ACTN2: variants seen among roughly 807,000 people sequenced by gnomAD.
The protein encoded by ACTN2 is actinin alpha 2, also known as alpha-actinin-2.
ACTN2 carries 39 observed loss-of-function variants against 113.8 expected under a neutral mutation model. The observed-to-expected ratio is 0.34, with a 90% CI of 0.27 to 0.45. The LOEUF is 0.45. Ranked by LOEUF, ACTN2 falls within the 20% of genes least tolerant of loss-of-function variation. The pLI is 1.00. For synonymous variants in ACTN2, 429 were observed against 444.1 expected (o/e 0.97, Z 0.43); for missense variants, 992 against 1,177.9 (o/e 0.84, Z 2.31).
chr1:236,728,628 GTTTTGC>G (rs1378216307), intron 6 of ACTN2, among the ~76,000 whole-genome samples: 2 of 125,044 alleles, frequency 1.6e-5, no homozygotes, highest in African/African-American at 7.0e-5. Flanking sequence ...TTTTTTTTTA[GTTTTGC>G]TTTTTTTCAG....
At position 236,717,993 on chromosome 1, in the gene ACTN2, C is replaced by A. The variant is rs1342443991; in HGVS notation, c.241+21C>A. 1.9e-6 allele frequency: 3 copies of A among 1,558,122 alleles called. No individual in the cohort carries two copies. In the East Asian group the frequency reaches 6.7e-5, roughly 35 times the overall value. ...CTCAGGTTGGTGTTATATATCCCATCCTATGCTTTCATGTGTTATCAGTAG... is the reference window on the plus strand; with the variant it reads ...CTCAGGTTGGTGTTATATATCCCATACTATGCTTTCATGTGTTATCAGTAG... On this transcript the variant is annotated intron_variant, in intron 2 of 20. Transcript: ENST00000366578.
chr1:236,743,105 A>G (rs1405351658), intron 11 of ACTN2, 62 bp downstream of exon 11: 3 of 1,583,298 alleles, frequency 1.9e-6, no homozygotes, highest in Non-Finnish European at 2.6e-6. Flanking sequence ...GCCCAGAGCC[A>G]TGATGCATCC....
At chr1:236,722,550 G>A (rs937827233) in intron 4 of ACTN2, among the ~76,000 whole-genome samples, 9 of 143,296 alleles carry the variant, frequency 6.3e-5, no homozygotes, top group East Asian at 4.2e-4. Flanking sequence ...CAGGAGAATC[G>A]CTTGAACCTG....
intron 1 of ACTN2, among the ~76,000 whole-genome samples, chr1:236,717,278 TA>T (rs886480087): frequency 2.6e-5 from 4 of 150,964 alleles, no homozygotes; most frequent in East Asian, 2.0e-4. Context: ...ACCCCATCTC[TA>T]AAAAAAAATT....
intron 1 of ACTN2, among the ~76,000 whole-genome samples, chr1:236,706,111 CT>C (rs5781915): frequency 0.42 from 61,392 of 147,578 alleles, 15,031 homozygotes; most frequent in Non-Finnish European, 0.56. Context: ...AAGGTATTTT[CT>C]TTTTTTTTTT....
rs559410102 is a variant in ACTN2 at position 236,713,170 on chromosome 1, C to A, written c.127-4688C>A. 1.2e-4 allele frequency among the ~76,000 whole-genome samples: 18 copies of A among 151,448 alleles called. No homozygotes were observed. The East Asian group carries it at 3.1e-3, about 26-fold the overall frequency. On this transcript the variant is annotated intron_variant, in intron 1 of 20. Coordinates refer to ENST00000366578, the MANE Select transcript of ACTN2 (RefSeq NM_001103.4). ...GTGGAATACTATACAGCCATAAAAACAAAGAATTTATACTGATATGGAATG... is the reference window on the plus strand; with the variant it reads ...GTGGAATACTATACAGCCATAAAAAAAAAGAATTTATACTGATATGGAATG...
At chr1:236,691,235 A>G (rs988186726) in intron 1 of ACTN2, among the ~76,000 whole-genome samples, 6 of 150,988 alleles carry the variant, frequency 4.0e-5, no homozygotes, top group East Asian at 3.9e-4. Context: ...GAGCCACTGC[A>G]CCCAGCCTGG....
At chr1:236,743,156 G>T in intron 11 of ACTN2, 113 bp downstream of exon 11, 1 of 1,311,694 alleles carries the variant, frequency 7.6e-7, no homozygotes, top group Non-Finnish European at 1.1e-6. Flanking sequence ...CTAAAGGTAG[G>T]TGTCGTCACC....
intron 1 of ACTN2, among the ~76,000 whole-genome samples, chr1:236,705,756 A>T (rs1354532608): frequency 3.3e-5 from 5 of 152,344 alleles, no homozygotes; most frequent in African/African-American, 1.2e-4. Flanking sequence ...TATGGGGGTG[A>T]TTCCATATAT....
intron 9 of ACTN2, among the ~76,000 whole-genome samples, chr1:236,737,765 C>G (rs189234540): frequency 6.6e-6 from 1 of 152,260 alleles, no homozygotes; most frequent in Non-Finnish European, 1.5e-5. Context: ...TCTGTGGTGC[C>G]TTTCCAGAGC....
intron 1 of ACTN2, among the ~76,000 whole-genome samples, chr1:236,703,290 G>T (rs548506078): frequency 6.6e-6 from 1 of 152,118 alleles, no homozygotes; most frequent in Non-Finnish European, 1.5e-5. Context: ...AATTCTCCAC[G>T]TAGTTTGTGC....
intron 14 of ACTN2, among the ~76,000 whole-genome samples, chr1:236,751,233 ACT>A (rs1405563630): frequency 6.6e-6 from 1 of 152,054 alleles, no homozygotes; most frequent in Non-Finnish European, 1.5e-5. Flanking sequence ...TTTTTAAAAG[ACT>A]CTACATGAAT....
chr1:236,702,184 T>C (rs1657696756), intron 1 of ACTN2, among the ~76,000 whole-genome samples: 1 of 152,204 alleles, frequency 6.6e-6, no homozygotes, highest in African/African-American at 2.4e-5. Flanking sequence ...TTCAGAACGC[T>C]AGGATTGCTG....
In ACTN2 at chr1:236,689,828, A is replaced by T. The variant is rs1362531124; in HGVS notation, c.126+3029A>T. 3.3e-5 allele frequency among the ~76,000 whole-genome samples: 5 copies of T among 152,226 alleles called. No homozygotes were observed. In the East Asian group the frequency reaches 9.6e-4, roughly 29 times the overall value. On this transcript the variant is annotated intron_variant, in intron 1 of 20. Transcript: ENST00000366578. Reference sequence around the variant, plus strand: ...TAGAAGTAAACATCTCCTGGAACCAAGGAACACATAGAGCTTGTACCTCAA... The same window carrying T: ...TAGAAGTAAACATCTCCTGGAACCATGGAACACATAGAGCTTGTACCTCAA...
At chr1:236,755,703 C>G in intron 17 of ACTN2, among the ~76,000 whole-genome samples, 1 of 139,116 alleles carries the variant, frequency 7.2e-6, no homozygotes, top group Non-Finnish European at 1.6e-5. Context: ...GGGCCCGCTG[C>G]CACTGTTAGA....
At chr1:236,758,784 T>C (rs1269769572) in intron 18 of ACTN2, among the ~76,000 whole-genome samples, 1 of 152,064 alleles carries the variant, frequency 6.6e-6, no homozygotes, top group Non-Finnish European at 1.5e-5. Context: ...CATGCCTGGC[T>C]AATTTTTTGT....
chr1:236,716,740 C>T (rs1463274181), intron 1 of ACTN2, among the ~76,000 whole-genome samples: 1 of 151,688 alleles, frequency 6.6e-6, no homozygotes, highest in African/African-American at 2.4e-5. Context: ...CCGAGATAAA[C>T]TAGTTCTAGG....
chr1:236,743,091 C>A (rs1347532782), intron 11 of ACTN2, 48 bp downstream of exon 11: 1 of 1,607,964 alleles, frequency 6.2e-7, no homozygotes, highest in African/African-American at 1.3e-5. Flanking sequence ...CAGAGTTGAG[C>A]CATGCCCAGA....
intron 10 of ACTN2, 142 bp from the exon 11 acceptor site, chr1:236,742,754 T>G: frequency 1.0e-6 from 1 of 965,348 alleles, no homozygotes; most frequent in Non-Finnish European, 1.6e-6. Context: ...GTTATTGAGG[T>G]GGGGGGTAAG....
Sources: allele counts gnomAD v4.1 joint callset (sites outside exome capture counted in the v4.1 genomes callset), GRCh38; gene constraint gnomAD v4.1.1; transcripts MANE v1.5; gene names NCBI Gene and HGNC (gene_info 2026-07-23, HGNC 2026-07-21).